Variants in DCHS2 observed in about 807,000 individuals in gnomAD.
The protein encoded by DCHS2 is protocadherin-23.
In DCHS2, 142 loss-of-function variants were observed where a neutral mutation model predicts 182.4. That is an observed-to-expected ratio of 0.78 (90% CI 0.68 to 0.89). The LOEUF is 0.89. DCHS2 is among the 40% of genes least tolerant of loss of function. DCHS2 has a pLI of 0.00. For synonymous variants in DCHS2, 1,740 were observed against 1,663.3 expected (o/e 1.05, Z -1.12); for missense variants, 4,319 against 4,198.6 (o/e 1.03, Z -0.79).
chr4:154,278,380 C>CA (rs769117413), intron 13 of DCHS2, among the ~76,000 whole-genome samples: 5 of 151,856 alleles, frequency 3.3e-5, no homozygotes, highest in African/African-American at 4.8e-5. Flanking sequence ...GGGACATCAT[C>CA]AAGTGGACCA....
In DCHS2 at chr4:154,486,501, G is replaced by A. The variant is rs1476412149; in HGVS notation, c.2052+2803C>T. The A allele has an allele frequency of 2.3e-6, 3 of 1,304,578 alleles. No individual in the cohort carries two copies. The South Asian group carries it at 3.7e-5, about 16-fold the overall frequency. 80.8% of individuals were successfully genotyped at this position (1,304,578 alleles called of 1,614,324 possible). A position where few individuals can be genotyped will look rare whatever the true frequency, so the allele number is the denominator to read the frequency against. On this transcript the variant is annotated intron_variant, in intron 1 of 19. Transcript: ENST00000357232. Reference sequence around the variant, plus strand: ...TTGTTTTTGTTTGATTTTGACAAAGGCAACTTGAGCAGATATAAGCTGTAA... The same window carrying A: ...TTGTTTTTGTTTGATTTTGACAAAGACAACTTGAGCAGATATAAGCTGTAA...
At chr4:154,442,084 T>C (rs991160080) in intron 1 of DCHS2, among the ~76,000 whole-genome samples, 1 of 152,188 alleles carries the variant, frequency 6.6e-6, no homozygotes, top group African/African-American at 2.4e-5. Flanking sequence ...CATCGTCATC[T>C]GGGTGACCTT....
intron 5 of DCHS2, among the ~76,000 whole-genome samples, 183 bp downstream of exon 5, chr4:154,332,295 G>A (rs928825123): frequency 6.6e-6 from 1 of 152,130 alleles, no homozygotes; most frequent in Non-Finnish European, 1.5e-5. Flanking sequence ...TAGAGTAATC[G>A]AATACCTTAT....
intron 13 of DCHS2, among the ~76,000 whole-genome samples, chr4:154,291,846 CAA>C (rs1482449091): frequency 6.6e-6 from 1 of 151,986 alleles, no homozygotes; most frequent in Non-Finnish European, 1.5e-5. Flanking sequence ...TGAATGGGTA[CAA>C]AAATATAGTC....
At position 154,489,766 on chromosome 4, in the gene DCHS2, A is replaced by G; in HGVS notation, c.1590T>C (p.Ala530=). The G allele has an allele frequency of 6.4e-7, 1 of 1,551,592 alleles. No individual in the cohort carries two copies. The highest frequency in any genetic ancestry group is 1.2e-5 in the South Asian group (1 of 84,054). ...STEETLLLRV[A]DLNDQPPLFS... Reference sequence around the variant, plus strand: ...AGAGAGGTGGTTGGTCATTGAGGTCAGCGACCCGGAGTAGCAGCGTCTCCT... The same window carrying G: ...AGAGAGGTGGTTGGTCATTGAGGTCGGCGACCCGGAGTAGCAGCGTCTCCT... The change falls in exon 1 of 20, where the codon GCT becomes GCC. Residue 530 remains alanine (A), a synonymous_variant. Coordinates refer to ENST00000357232, the MANE Select transcript of DCHS2 (RefSeq NM_001358235.2).
At chr4:154,273,249 A>G (rs1311298508) in intron 13 of DCHS2, among the ~76,000 whole-genome samples, 13 of 152,124 alleles carry the variant, frequency 8.5e-5, no homozygotes, top group Non-Finnish European at 1.9e-4. Flanking sequence ...ATATATATGC[A>G]CACACACCAT....
At chr4:154,471,937 ATCT>A (rs1382255758) in intron 1 of DCHS2, among the ~76,000 whole-genome samples, 1 of 152,180 alleles carries the variant, frequency 6.6e-6, no homozygotes, top group Non-Finnish European at 1.5e-5. Flanking sequence ...CTGAAAAATC[ATCT>A]TCTTATTTCA....
intron 17 of DCHS2, among the ~76,000 whole-genome samples, chr4:154,241,668 T>C (rs1022436880): frequency 2.0e-5 from 3 of 152,198 alleles, no homozygotes; most frequent in African/African-American, 7.2e-5. Context: ...CCCTATTCAG[T>C]ATGTTTTGAT....
At position 154,321,136 on chromosome 4, in the gene DCHS2, T is replaced by G; in HGVS notation, c.4263A>C (p.Ile1421=). 1.3e-6 allele frequency: 2 copies of G among 1,597,988 alleles called. No individual in the cohort carries two copies. The highest frequency in any genetic ancestry group is 2.2e-5 in the South Asian group (2 of 88,900). The change falls in exon 9 of 20, where the codon ATA becomes ATC. Residue 1421 remains isoleucine, a synonymous_variant. Coordinates refer to ENST00000357232, the MANE Select transcript of DCHS2 (RefSeq NM_001358235.2). ...GATCAGATGACTTTATCAAGCTCAT[T>G]ATTTTTGTGGGCTTCAAATTTTCTG... ...IIPENLKPTK[I]MSLIKSSDHL...
chr4:154,273,916 G>A (rs1017048827), intron 13 of DCHS2, among the ~76,000 whole-genome samples: 22 of 152,150 alleles, frequency 1.4e-4, no homozygotes, highest in African/African-American at 5.3e-4. Context: ...GCTGCTGGGT[G>A]CACAGTAACA....
chr4:154,323,447 G>A, intron 7 of DCHS2: 1 of 1,409,336 alleles, frequency 7.1e-7, no homozygotes, highest in Non-Finnish European at 9.4e-7. Flanking sequence ...CTCACACCTT[G>A]GCCTCCCAGA....
rs1485723907 is a variant in DCHS2 at position 154,417,198 on chromosome 4, TGTGTGTGAGAGAGAGAGAGAGA to T, written c.2053-39776_2053-39755del. Among the ~76,000 whole-genome samples the T allele has an allele frequency of 6.1e-4, 40 of 65,344 alleles. 1 individual carries two copies. The highest frequency in any genetic ancestry group is 1.3e-3 in the Admixed American group (8 of 6,142). The allele number at this position is 65,344 out of a possible 152,430, so 42.9% of individuals were successfully genotyped here. On this transcript the variant is annotated intron_variant, in intron 1 of 19. Coordinates refer to ENST00000357232, the MANE Select transcript of DCHS2 (RefSeq NM_001358235.2). ...GTGTGTGTGTGTGTGTGTGTGTGTG[TGTGTGTGAGAGAGAGAGAGAGA>T]GAGAGAGAGAGAGAGAGAGAGAGAG...
rs146509861 is a variant in DCHS2 at position 154,489,236 on chromosome 4, G to T, written c.2052+68C>A. On this transcript the variant is annotated intron_variant, in intron 1 of 19. Coordinates refer to ENST00000357232, the MANE Select transcript of DCHS2 (RefSeq NM_001358235.2). ...TTATCCTCCACATCACAATTTCCTA[G>T]GCCAACTCACAACCCTCTCCATCCC... is the stretch of plus-strand genomic sequence containing the variant. 444 of 1,295,106 alleles carry T rather than the reference G, an allele frequency of 3.4e-4. No homozygotes were observed. In the African/African-American group the frequency reaches 5.9e-3, roughly 17 times the overall value. 80.2% of individuals were successfully genotyped at this position (1,295,106 alleles called of 1,614,324 possible).
At position 154,328,199 on chromosome 4, in the gene DCHS2, T is replaced by G. The variant is rs762074111; in HGVS notation, c.3919-7A>C. On this transcript the variant is annotated splice_region_variant and splice_polypyrimidine_tract_variant and intron_variant, in intron 6 of 19. Transcript: ENST00000357232. ...CTGGTTGACCTTCCAGAACCTGCCA[T>G]TAAAACAAACAGCTTACAAATGAGT... 5 of 1,601,472 alleles carry G rather than the reference T, an allele frequency of 3.1e-6. No individual in the cohort carries two copies. In the South Asian group the frequency reaches 4.6e-5, roughly 15 times the overall value.
intron 1 of DCHS2, among the ~76,000 whole-genome samples, chr4:154,463,679 G>C (rs1735110652): frequency 6.9e-6 from 1 of 145,026 alleles, no homozygotes; most frequent in South Asian, 2.3e-4. Context: ...AATCCTGTAA[G>C]CTATTCTCTC....
At chr4:154,375,055 G>A (rs13111929) in intron 2 of DCHS2, among the ~76,000 whole-genome samples, 68,581 of 151,812 alleles carry the variant, frequency 0.45, 16,008 homozygotes, top group South Asian at 0.58. Context: ...AGCTAAAATA[G>A]TTAAGAGAGA....
intron 15 of DCHS2, among the ~76,000 whole-genome samples, chr4:154,258,833 AG>A (rs1732830042): frequency 6.6e-6 from 1 of 152,180 alleles, no homozygotes; most frequent in South Asian, 2.1e-4. Context: ...ATGACATTCC[AG>A]GGGCCAAAAG....
Position 154,315,176 on chromosome 4 carries a change from C to A in DCHS2, c.5260+572G>T, listed in dbSNP as rs910543447. Among the ~76,000 whole-genome samples the A allele has an allele frequency of 3.9e-5, 6 of 152,274 alleles. No individual in the cohort carries two copies. In the Middle Eastern group the frequency reaches 0.01, roughly 259 times the overall value. ...TTATTGTGTCAGACACTGGTCTAAGCTCTTTACAAGTAATAATTCATTCAT... is the reference window on the plus strand; with the variant it reads ...TTATTGTGTCAGACACTGGTCTAAGATCTTTACAAGTAATAATTCATTCAT... On this transcript the variant is annotated intron_variant, in intron 10 of 19. Transcript: ENST00000357232.
Position 154,490,561 on chromosome 4 carries a change from C to A in DCHS2, c.795G>T (p.Gln265His), listed in dbSNP as rs559993963. 5 of 1,542,072 alleles carry A rather than the reference C, an allele frequency of 3.2e-6. No individual in the cohort carries two copies. Among genetic ancestry groups the A allele is most frequent in the Non-Finnish European group, 4.4e-6 (5 of 1,146,148 alleles). Residue 265 changes from glutamine to histidine, a missense_variant, in exon 1 of 20, where the codon CAG becomes CAT. By Grantham distance (24) the Gln-to-His change is conservative. Coordinates refer to ENST00000357232, the MANE Select transcript of DCHS2 (RefSeq NM_001358235.2). ...DREEAAAHRL[Q>H]IEAWDGGRPR... ...GTCGGCCGCCGTCCCATGCCTCGAT[C>A]TGCAGCCGGTGCGCCGCCGCCTCCT...
Sources: allele counts gnomAD v4.1 joint callset (sites outside exome capture counted in the v4.1 genomes callset), GRCh38; gene constraint gnomAD v4.1.1; transcripts MANE v1.5; gene names NCBI Gene and HGNC (gene_info 2026-07-23, HGNC 2026-07-21).